PALM2AKAP2: variants seen among roughly 807,000 people sequenced by gnomAD.
The protein encoded by PALM2AKAP2 is PALM2-AKAP2 fusion protein.
PALM2AKAP2 carries 37 observed loss-of-function variants against 71.5 expected under a neutral mutation model. The observed-to-expected ratio is 0.52, with a 90% CI of 0.40 to 0.68. PALM2AKAP2 has a LOEUF of 0.68. Ranked by LOEUF, PALM2AKAP2 falls within the 30% of genes least tolerant of loss-of-function variation. The pLI, the probability that PALM2AKAP2 is intolerant of heterozygous loss-of-function variation, is 0.00. For synonymous variants in PALM2AKAP2, 468 were observed against 478.8 expected, an observed-to-expected ratio of 0.98 and a Z score of 0.29; for missense variants, 1,224 against 1,191.8, an observed-to-expected ratio of 1.03 and a Z score of -0.40.
intron 1 of PALM2AKAP2, among the ~76,000 whole-genome samples, chr9:110,079,602 T>C (rs956052702): frequency 1.3e-5 from 2 of 152,198 alleles, no homozygotes; most frequent in Admixed American, 6.5e-5. Flanking sequence ...AAAAAAATCA[T>C]CATGATTCAG....
chr9:109,868,120 G>A (rs1020855340), intron 2 of PALM2AKAP2, among the ~76,000 whole-genome samples: 1 of 152,166 alleles, frequency 6.6e-6, no homozygotes, highest in East Asian at 1.9e-4. Context: ...GTGAGAGCAA[G>A]CAGTTGGTCA....
intron 2 of PALM2AKAP2, among the ~76,000 whole-genome samples, chr9:109,869,468 A>G (rs1829544830): frequency 2.0e-5 from 3 of 150,394 alleles, no homozygotes; most frequent in African/African-American, 4.9e-5. Flanking sequence ...AGCTGGGACT[A>G]CAAATGCCCG....
intron 1 of PALM2AKAP2, among the ~76,000 whole-genome samples, chr9:109,720,789 G>GTTCACTCA: frequency 6.6e-6 from 1 of 152,334 alleles, no homozygotes; most frequent in East Asian, 1.9e-4. Context: ...CTGTGGATTT[G>GTTCACTCA]TTCACTCATT....
chr9:110,023,702 T>C (rs1833120587), intron 7 of PALM2AKAP2, among the ~76,000 whole-genome samples: 1 of 151,366 alleles, frequency 6.6e-6, no homozygotes, highest in South Asian at 2.1e-4. Context: ...TCAATAACCA[T>C]AGATGTCGGG....
At chr9:109,843,097 G>A (rs1013056021) in intron 1 of PALM2AKAP2, among the ~76,000 whole-genome samples, 7 of 138,392 alleles carry the variant, frequency 5.1e-5, no homozygotes, top group African/African-American at 1.4e-4. Flanking sequence ...CCGAGATCGC[G>A]CCATTGCACT....
chr9:109,693,583 A>G (rs1455753704), intron 1 of PALM2AKAP2, among the ~76,000 whole-genome samples: 1 of 152,004 alleles, frequency 6.6e-6, no homozygotes, highest in Non-Finnish European at 1.5e-5. Flanking sequence ...TTGATATTCT[A>G]CACTATAAAT....
chr9:110,013,680 G>C (rs973338274), intron 6 of PALM2AKAP2, among the ~76,000 whole-genome samples: 4 of 152,192 alleles, frequency 2.6e-5, no homozygotes, highest in African/African-American at 9.6e-5. Flanking sequence ...AACAGGTCTT[G>C]AGTAATTCAT....
chr9:109,746,970 A>G (rs945176221), intron 1 of PALM2AKAP2, among the ~76,000 whole-genome samples: 2 of 152,194 alleles, frequency 1.3e-5, no homozygotes, highest in African/African-American at 4.8e-5. Flanking sequence ...AAAGGCATGG[A>G]GTAGAGAACA....
intron 1 of PALM2AKAP2, among the ~76,000 whole-genome samples, chr9:110,115,761 G>A (rs1266432446): frequency 2.0e-5 from 3 of 152,026 alleles, no homozygotes; most frequent in African/African-American, 7.3e-5. Flanking sequence ...CGTGGGGGTG[G>A]TTCTGTGCAG....
intron 4 of PALM2AKAP2, among the ~76,000 whole-genome samples, chr9:109,924,074 A>G (rs1229942733): frequency 6.6e-6 from 1 of 152,178 alleles, no homozygotes; most frequent in Non-Finnish European, 1.5e-5. Context: ...CATAGGGAAG[A>G]GTCATTAGAT....
intron 1 of PALM2AKAP2, among the ~76,000 whole-genome samples, chr9:109,690,722 C>T (rs1427275885): frequency 6.6e-6 from 1 of 152,176 alleles, no homozygotes; most frequent in Admixed American, 6.5e-5. Flanking sequence ...ATTAGTATAG[C>T]TTACAAGTAT....
chr9:110,169,302 T>G (rs1347785602), exon 4 of PALM2AKAP2: 6 of 152,588 alleles, frequency 3.9e-5, no homozygotes, highest in African/African-American at 1.4e-4. Context: ...AAACTATATT[T>G]AGTGGGCAAC....
At chr9:109,762,390 A>G (rs547707290) in intron 1 of PALM2AKAP2, among the ~76,000 whole-genome samples, 6 of 152,274 alleles carry the variant, frequency 3.9e-5, no homozygotes, top group Admixed American at 3.3e-4. Flanking sequence ...ATATTTGTCT[A>G]TTTAACACCC....
chr9:110,059,058 C>G (rs1182601433), intron 1 of PALM2AKAP2, among the ~76,000 whole-genome samples: 2 of 152,048 alleles, frequency 1.3e-5, no homozygotes, highest in African/African-American at 4.8e-5. Flanking sequence ...TGCCACCACG[C>G]CCACGTAATT....
intron 2 of PALM2AKAP2, among the ~76,000 whole-genome samples, chr9:110,151,464 A>G (rs1836313367): frequency 6.6e-6 from 1 of 152,256 alleles, no homozygotes; most frequent in Admixed American, 6.5e-5. Context: ...TATTAGCACT[A>G]AAACCAGAAG....
chr9:110,015,746 G>C (rs931267162), intron 6 of PALM2AKAP2, among the ~76,000 whole-genome samples: 1 of 152,202 alleles, frequency 6.6e-6, no homozygotes, highest in Non-Finnish European at 1.5e-5. Flanking sequence ...CTAAATTGGA[G>C]ATTAGGTAAA....
chr9:110,104,720 C>T (rs935767241), intron 1 of PALM2AKAP2, among the ~76,000 whole-genome samples: 36 of 152,174 alleles, frequency 2.4e-4, no homozygotes, highest in Non-Finnish European at 3.7e-4. Context: ...TGTTTTAAAA[C>T]CTGGACTCAC....
At chr9:110,121,824 C>T (rs753992915) in intron 1 of PALM2AKAP2, among the ~76,000 whole-genome samples, 1 of 152,208 alleles carries the variant, frequency 6.6e-6, no homozygotes, top group Non-Finnish European at 1.5e-5. Flanking sequence ...GCAGCTGCTG[C>T]TCCTATCCTC....
intron 6 of PALM2AKAP2, among the ~76,000 whole-genome samples, chr9:109,984,643 G>A (rs1158496816): frequency 6.6e-6 from 1 of 151,890 alleles, no homozygotes; most frequent in Non-Finnish European, 1.5e-5. Flanking sequence ...GATTGCTTGA[G>A]GCTAGGAGTT....
Sources: allele counts gnomAD v4.1 joint callset (sites outside exome capture counted in the v4.1 genomes callset), GRCh38; gene constraint gnomAD v4.1.1; transcripts MANE v1.5; gene names NCBI Gene and HGNC (gene_info 2026-07-23, HGNC 2026-07-21).